The following RABGAP1L variants were observed in gnomAD, a reference collection of about 807,000 sequenced individuals.
RABGAP1L encodes RAB GTPase activating protein 1 like, also known as rab GTPase-activating protein 1-like.
In RABGAP1L, 63 loss-of-function variants were observed where a neutral mutation model predicts 137.7. That is an observed-to-expected ratio of 0.46 (90% CI 0.37 to 0.56). The LOEUF is 0.56. Ranked by LOEUF, RABGAP1L falls within the 20% of genes least tolerant of loss-of-function variation. The pLI is 0.00. For missense variants in RABGAP1L, 1,095 were observed against 1,244.0 expected (o/e 0.88, Z 1.80); for synonymous variants, 431 against 433.7 (o/e 0.99, Z 0.08).
At chr1:174,199,615 A>G (rs1667960735) in intron 1 of RABGAP1L, among the ~76,000 whole-genome samples, 1 of 152,178 alleles carries the variant, frequency 6.6e-6, no homozygotes, top group South Asian at 2.1e-4. Context: ...TCAATTCTAA[A>G]ACATTCTGTT....
rs576373384 is a variant in RABGAP1L, at chr1:174,392,429, A to G, written c.1560-1566A>G. ...GGCAGCATAACTGTTATTTTAAGGT[A>G]TGGTAGCACGTTAAGTCATATAAAC... On this transcript the variant is annotated intron_variant, in intron 12 of 25. Transcript: ENST00000681986. Among the ~76,000 whole-genome samples, 3 of 152,322 alleles carry G rather than the reference A, an allele frequency of 2.0e-5. No individual in the cohort carries two copies. The South Asian group carries it at 6.2e-4, about 32-fold the overall frequency.
chr1:174,173,361 C>T (rs1665567555), intron 1 of RABGAP1L, among the ~76,000 whole-genome samples: 1 of 151,808 alleles, frequency 6.6e-6, no homozygotes, highest in Admixed American at 6.6e-5. Context: ...AACTCCCAAC[C>T]TCAGGTAATC....
intron 17 of RABGAP1L, among the ~76,000 whole-genome samples, chr1:174,732,199 C>A (rs545813041): frequency 1.1e-4 from 11 of 100,016 alleles, no homozygotes; most frequent in Admixed American, 1.8e-4. Flanking sequence ...CCCCATCCCC[C>A]CCAAAAAAAA....
chr1:174,960,442 T>G (rs746807850), intron 20 of RABGAP1L, among the ~76,000 whole-genome samples: 16 of 152,188 alleles, frequency 1.1e-4, no homozygotes, highest in Non-Finnish European at 1.9e-4. Context: ...GTAGTCACCT[T>G]TATTCAACAC....
chr1:174,846,135 TGCTAGCG>T (rs1240595698), intron 19 of RABGAP1L, among the ~76,000 whole-genome samples: 3 of 151,774 alleles, frequency 2.0e-5, no homozygotes, highest in Non-Finnish European at 4.4e-5. Context: ...TTATTAGTCT[TGCTAGCG>T]GTCTATCAAT....
chr1:174,893,743 C>T (rs960336743), intron 19 of RABGAP1L, among the ~76,000 whole-genome samples: 3 of 152,144 alleles, frequency 2.0e-5, no homozygotes, highest in African/African-American at 7.2e-5. Flanking sequence ...ACATAGAATA[C>T]TTGGAAGGAG....
intron 13 of RABGAP1L, among the ~76,000 whole-genome samples, chr1:174,459,064 C>T (rs755951751): frequency 1.3e-5 from 2 of 151,972 alleles, no homozygotes; most frequent in Non-Finnish European, 2.9e-5. Flanking sequence ...TGGTTATAGT[C>T]GTACACTTAG....
intron 1 of RABGAP1L, among the ~76,000 whole-genome samples, chr1:174,165,177 T>C (rs975496033): frequency 6.6e-6 from 1 of 152,136 alleles, no homozygotes; most frequent in Non-Finnish European, 1.5e-5. Flanking sequence ...TTTGTTTGTT[T>C]TTCGTTTTTG....
intron 13 of RABGAP1L, among the ~76,000 whole-genome samples, chr1:174,629,875 TC>T (rs1307380001): frequency 3.3e-5 from 5 of 152,170 alleles, no homozygotes; most frequent in Non-Finnish European, 7.3e-5. Flanking sequence ...TTTGATTTTG[TC>T]CTTTATTTCT....
chr1:174,663,830 G>A (rs1203240168), intron 14 of RABGAP1L, among the ~76,000 whole-genome samples: 1 of 152,068 alleles, frequency 6.6e-6, no homozygotes, highest in Admixed American at 6.6e-5. Context: ...CTCTCATACT[G>A]TAAACAAGTA....
At chr1:174,496,792 T>A (rs183977576) in intron 13 of RABGAP1L, among the ~76,000 whole-genome samples, 1 of 152,230 alleles carries the variant, frequency 6.6e-6, no homozygotes, top group East Asian at 1.9e-4. Context: ...CTTAAAGAAG[T>A]TGGACTTTTT....
At chr1:174,482,447 C>T (rs559184499) in intron 13 of RABGAP1L, among the ~76,000 whole-genome samples, 1 of 152,110 alleles carries the variant, frequency 6.6e-6, no homozygotes, top group Non-Finnish European at 1.5e-5. Flanking sequence ...TATAGTTATC[C>T]CAGTGAAGAA....
In RABGAP1L at chr1:174,990,073, C is replaced by A. The variant is rs932389293; in HGVS notation, c.*72C>A. On this transcript the variant is annotated 3_prime_UTR_variant, in exon 26 of 26. Coordinates refer to ENST00000681986, the MANE Select transcript of RABGAP1L (RefSeq NM_001366446.1). Reference sequence around the variant, plus strand: ...AATCTGGGAGGATTCTTCCTGGTGTCCCTTTGAAGGAAAGTCAAGGAGGCC... The same window carrying A: ...AATCTGGGAGGATTCTTCCTGGTGTACCTTTGAAGGAAAGTCAAGGAGGCC... 2 of 1,424,298 alleles carry A rather than the reference C, an allele frequency of 1.4e-6. No individual in the cohort carries two copies. Among genetic ancestry groups the A allele is most frequent in the Non-Finnish European group, 1.9e-6 (2 of 1,053,844 alleles). 88.2% of individuals were successfully genotyped at this position (1,424,298 alleles called of 1,614,324 possible).
At chr1:174,732,344 C>T (rs1682555771) in intron 17 of RABGAP1L, among the ~76,000 whole-genome samples, 1 of 152,110 alleles carries the variant, frequency 6.6e-6, no homozygotes, top group Non-Finnish European at 1.5e-5. Context: ...AAAGCCGGAG[C>T]AGATAGTTTA....
At chr1:174,334,597 C>T (rs747689875) in intron 11 of RABGAP1L, among the ~76,000 whole-genome samples, 2 of 152,204 alleles carry the variant, frequency 1.3e-5, no homozygotes, top group African/African-American at 2.4e-5. Context: ...GTTCTTCCAA[C>T]AAACAAACCA....
intron 11 of RABGAP1L, among the ~76,000 whole-genome samples, chr1:174,327,328 GTATAAAAAGATGTA>G (rs1420517831): frequency 2.0e-5 from 3 of 150,742 alleles, no homozygotes; most frequent in Non-Finnish European, 3.0e-5. Flanking sequence ...ATATAATAAG[GTATAAAAAGATGTA>G]TATAAAAAGA....
At chr1:174,223,657 A>C (rs942110491) in intron 3 of RABGAP1L, among the ~76,000 whole-genome samples, 1 of 152,178 alleles carries the variant, frequency 6.6e-6, no homozygotes, top group Non-Finnish European at 1.5e-5. Context: ...ATAGGAGTCA[A>C]CCTTGAAAAG....
chr1:174,595,575 A>T (rs1669819826), intron 13 of RABGAP1L, among the ~76,000 whole-genome samples: 1 of 145,900 alleles, frequency 6.9e-6, no homozygotes, highest in Admixed American at 6.9e-5. Context: ...CTTCTAACAG[A>T]CAGGACCCTC....
intron 13 of RABGAP1L, among the ~76,000 whole-genome samples, chr1:174,522,097 A>C (rs1311433478): frequency 2.0e-5 from 3 of 151,328 alleles, no homozygotes; most frequent in Non-Finnish European, 2.9e-5. Context: ...AAAAAGTAGT[A>C]GTTGGTTTTC....
Sources: allele counts gnomAD v4.1 joint callset (sites outside exome capture counted in the v4.1 genomes callset), GRCh38; gene constraint gnomAD v4.1.1; transcripts MANE v1.5; gene names NCBI Gene and HGNC (gene_info 2026-07-23, HGNC 2026-07-21).